Variants in PCDHA2 observed in about 807,000 individuals in gnomAD.
PCDHA2 encodes protocadherin alpha-2.
A neutral mutation model predicts 66.0 loss-of-function variants in PCDHA2; 58 were observed. The observed-to-expected ratio is 0.88, with a 90% CI of 0.71 to 1.09. PCDHA2 has a LOEUF of 1.09. PCDHA2 is among the 50% of genes least tolerant of loss of function. PCDHA2 has a pLI of 0.00. For missense variants in PCDHA2, 1,267 were observed against 1,242.3 expected (o/e 1.02, Z -0.30); for synonymous variants, 634 against 554.0 (o/e 1.14, Z -2.03).
At chr5:140,868,032 C>T (rs1456286268) in intron 1 of PCDHA2, 1 of 152,026 alleles carries the variant, frequency 6.6e-6, no homozygotes, top group Non-Finnish European at 1.5e-5. Flanking sequence ...ATGTTGGTGA[C>T]TTGGAAATAC....
At chr5:140,881,441 CAGA>C (rs782795888) in intron 1 of PCDHA2, 70 of 829,276 alleles carry the variant, frequency 8.4e-5, no homozygotes, top group Non-Finnish European at 1.0e-4. Context: ...TTTATAAAAA[CAGA>C]ATCCAAAACC....
chr5:140,987,266 C>T (rs2097244603), intron 3 of PCDHA2, among the ~76,000 whole-genome samples: 1 of 151,752 alleles, frequency 6.6e-6, no homozygotes, highest in African/African-American at 2.4e-5. Context: ...AGGAATGGGA[C>T]CCGGCAGTCT....
At chr5:140,834,559 T>A in intron 1 of PCDHA2, 2 of 1,614,090 alleles carry the variant, frequency 1.2e-6, no homozygotes, top group Middle Eastern at 1.7e-4. Context: ...CTGGCGGAGC[T>A]GGTGCCGCGC....
chr5:140,853,934 C>T (rs2042914376), intron 1 of PCDHA2: 1 of 864,500 alleles, frequency 1.2e-6, no homozygotes, highest in South Asian at 5.2e-5. Context: ...TTTGGGAGGC[C>T]AAGGTGGGAG....
intron 1 of PCDHA2, chr5:140,842,446 C>G: frequency 6.2e-7 from 1 of 1,613,788 alleles, no homozygotes; most frequent in Non-Finnish European, 8.5e-7. Flanking sequence ...TTAGCGTGAA[C>G]GACCTCGATT....
chr5:140,835,368 C>T, intron 1 of PCDHA2: 2 of 1,613,924 alleles, frequency 1.2e-6, no homozygotes, highest in Non-Finnish European at 1.7e-6. Context: ...AGGCTTCCCA[C>T]CCCTGGCTGG....
intron 1 of PCDHA2, chr5:140,866,569 A>G (rs1366987361): frequency 6.6e-6 from 1 of 152,162 alleles, no homozygotes; most frequent in Non-Finnish European, 1.5e-5. Flanking sequence ...TTTTGTTAAT[A>G]CAGTGGTTGG....
chr5:140,928,149 T>C, intron 1 of PCDHA2: 2 of 1,614,194 alleles, frequency 1.2e-6, no homozygotes, highest in Non-Finnish European at 8.5e-7. Flanking sequence ...CGGCCTCAGA[T>C]AGTGGCTCAC....
chr5:140,843,665 T>G (rs2150364674), intron 1 of PCDHA2: 2 of 1,593,538 alleles, frequency 1.3e-6, no homozygotes, highest in South Asian at 1.1e-5. Flanking sequence ...TGATCTGGGA[T>G]CAGTTGATGT....
chr5:140,883,580 AC>A, intron 1 of PCDHA2: 1 of 1,613,994 alleles, frequency 6.2e-7, no homozygotes. Flanking sequence ...GCTGTGGGCC[AC>A]GGCCAGCGTG....
chr5:140,857,420 G>A (rs2044582609), intron 1 of PCDHA2: 2 of 1,598,360 alleles, frequency 1.3e-6, no homozygotes, highest in Non-Finnish European at 1.7e-6. Flanking sequence ...CGCGCAGTCC[G>A]AGTACACGGT....
intron 1 of PCDHA2, chr5:140,807,259 G>A (rs138132729): frequency 5.7e-5 from 92 of 1,614,092 alleles, no homozygotes; most frequent in Non-Finnish European, 7.4e-5. Context: ...TCGCAGCCTG[G>A]GAGGCAGGGA....
chr5:140,912,744 T>A (rs944833912), intron 1 of PCDHA2, among the ~76,000 whole-genome samples: 1 of 152,188 alleles, frequency 6.6e-6, no homozygotes, highest in Non-Finnish European at 1.5e-5. Context: ...TGTGGGTCTG[T>A]CATAGATGGC....
chr5:140,875,340 C>A, intron 1 of PCDHA2: 1 of 1,442,242 alleles, frequency 6.9e-7, no homozygotes, highest in Non-Finnish European at 9.1e-7. Flanking sequence ...AGGATCGACT[C>A]CATAATGACT....
chr5:140,878,599 A>G (rs1308833361), intron 1 of PCDHA2, among the ~76,000 whole-genome samples: 4 of 152,220 alleles, frequency 2.6e-5, no homozygotes, highest in African/African-American at 2.4e-5. Context: ...TTACCAAGTG[A>G]ATCTTCTAAT....
chr5:140,867,407 T>C (rs1376336154), intron 1 of PCDHA2: 1 of 152,154 alleles, frequency 6.6e-6, no homozygotes, highest in African/African-American at 2.4e-5. Flanking sequence ...ATATGTCTCC[T>C]TTAATTTTTT....
chr5:140,990,369 C>T (rs2097390541), intron 3 of PCDHA2, among the ~76,000 whole-genome samples: 1 of 152,054 alleles, frequency 6.6e-6, no homozygotes, highest in South Asian at 2.1e-4. Flanking sequence ...TCTAATAAAG[C>T]AAATTTGTTG....
chr5:140,802,328 C>A, intron 1 of PCDHA2: 1 of 1,614,250 alleles, frequency 6.2e-7, no homozygotes, highest in Non-Finnish European at 8.5e-7. Flanking sequence ...TGTCCGACCG[C>A]GACTCAGGAG....
chr5:140,880,417 G>A (rs1202890717), intron 1 of PCDHA2, among the ~76,000 whole-genome samples: 15 of 152,250 alleles, frequency 9.9e-5, no homozygotes, highest in South Asian at 2.1e-4. Context: ...CCTTAAAAGC[G>A]GGAACAGTTT....
Sources: gnomAD v4.1 joint callset for allele counts (sites outside exome capture counted in the v4.1 genomes callset) on GRCh38, gnomAD v4.1.1 for gene constraint, MANE v1.5 for transcripts, NCBI Gene and HGNC (gene_info 2026-07-23, HGNC 2026-07-21) for gene names.